The following GALNT13 variants were observed in gnomAD, a reference collection of about 807,000 sequenced individuals.
The protein encoded by GALNT13 is UDP-GalNAc:polypeptide N-acetylgalactosaminyltransferase 13.
Under a neutral mutation model 64.2 loss-of-function variants are expected in GALNT13, and 28 were observed. That is an observed-to-expected ratio of 0.44 (90% CI 0.32 to 0.60). The LOEUF is 0.60. Among genes scored for constraint, GALNT13 ranks in the 20% least tolerant of loss-of-function variants. GALNT13 has a pLI of 0.05. For missense variants in GALNT13, 577 were observed against 669.8 expected, an observed-to-expected ratio of 0.86 and a Z score of 1.53; for synonymous variants, 214 against 224.6, an observed-to-expected ratio of 0.95 and a Z score of 0.42.
rs190405907 is a variant in GALNT13 at position 153,924,804 on chromosome 2, A to G, written c.-104-19590A>G. On this transcript the variant is annotated intron_variant, in intron 2 of 12. Transcript: ENST00000392825. Reference sequence around the variant, plus strand: ...TGTGTTTTTGATTTGCATTTCTCTAATGATCCGTGACGTTGAGCTTTTTTT... The same window carrying G: ...TGTGTTTTTGATTTGCATTTCTCTAGTGATCCGTGACGTTGAGCTTTTTTT... 4.8e-3 allele frequency among the ~76,000 whole-genome samples: 733 copies of G among 152,190 alleles called. 4 individuals are homozygous for G. The highest frequency in any genetic ancestry group is 0.016 in the African/African-American group (644 of 41,522).
chr2:153,987,416 A>T (rs1694874127), intron 3 of GALNT13, among the ~76,000 whole-genome samples: 1 of 151,878 alleles, frequency 6.6e-6, no homozygotes, highest in South Asian at 2.1e-4. Context: ...GACAACTGTT[A>T]AGCAAGAAGG....
chr2:153,786,484 C>A, the GALNT13 span, among the ~76,000 whole-genome samples: 17 of 152,102 alleles, frequency 1.1e-4, no homozygotes, highest in Non-Finnish European at 1.9e-4. Flanking sequence ...TTTGACAACT[C>A]CTCTGCCACT....
chr2:153,883,020 G>T (rs1380715395), intron 1 of GALNT13, among the ~76,000 whole-genome samples: 1 of 148,250 alleles, frequency 6.7e-6, no homozygotes, highest in Non-Finnish European at 1.5e-5. Context: ...CCATAAAAGA[G>T]ACAAATATAT....
chr2:153,374,504 A>T, the GALNT13 span, among the ~76,000 whole-genome samples: 1 of 152,092 alleles, frequency 6.6e-6, no homozygotes, highest in Non-Finnish European at 1.5e-5. Flanking sequence ...GTGCCTTGAA[A>T]ATACTCAATC....
At chr2:153,460,807 C>T in the GALNT13 span, among the ~76,000 whole-genome samples, 1 of 152,246 alleles carries the variant, frequency 6.6e-6, no homozygotes, top group Non-Finnish European at 1.5e-5. Context: ...AAGAATACCA[C>T]TGTCTACTAG....
chr2:154,351,184 G>A (rs528864705), intron 9 of GALNT13, among the ~76,000 whole-genome samples: 1 of 152,206 alleles, frequency 6.6e-6, no homozygotes, highest in Non-Finnish European at 1.5e-5. Flanking sequence ...CTTTGGCTGT[G>A]ATTCAGTCAA....
chr2:153,678,586 C>T, the GALNT13 span, among the ~76,000 whole-genome samples: 1 of 151,942 alleles, frequency 6.6e-6, no homozygotes, highest in South Asian at 2.1e-4. Context: ...ATGCTCGTTA[C>T]CTGGGTGACA....
chr2:154,226,361 C>T (rs1428380590), intron 4 of GALNT13, among the ~76,000 whole-genome samples: 5 of 152,216 alleles, frequency 3.3e-5, no homozygotes, highest in African/African-American at 4.8e-5. Context: ...TATCACTTCT[C>T]TTGCATTCTT....
At chr2:153,831,640 A>G in the GALNT13 span, among the ~76,000 whole-genome samples, 1 of 152,114 alleles carries the variant, frequency 6.6e-6, no homozygotes, top group African/African-American at 2.4e-5. Context: ...TCAAATTAAT[A>G]ATAAATCCAG....
At chr2:153,196,077 C>T in the GALNT13 span, among the ~76,000 whole-genome samples, 24,721 of 152,232 alleles carry the variant, frequency 0.16, 2,134 homozygotes, top group African/African-American at 0.18. Context: ...TGCACACTGA[C>T]TGGTCCTTGG....
chr2:153,402,880 C>T, the GALNT13 span, among the ~76,000 whole-genome samples: 1 of 152,224 alleles, frequency 6.6e-6, no homozygotes, highest in Non-Finnish European at 1.5e-5. Flanking sequence ...TGAATGTCCT[C>T]CCGTCGCTCA....
intron 11 of GALNT13, among the ~76,000 whole-genome samples, chr2:154,430,583 T>A (rs1700666028): frequency 6.6e-6 from 1 of 152,286 alleles, no homozygotes; most frequent in South Asian, 2.1e-4. Flanking sequence ...GACAACAAAG[T>A]ATTTAGAATA....
chr2:153,543,495 T>C, the GALNT13 span, among the ~76,000 whole-genome samples: 1 of 152,218 alleles, frequency 6.6e-6, no homozygotes, highest in Non-Finnish European at 1.5e-5. Flanking sequence ...ATTATATAAA[T>C]TGATAATTAT....
chr2:153,734,174 CA>C, the GALNT13 span, among the ~76,000 whole-genome samples: 1 of 152,088 alleles, frequency 6.6e-6, no homozygotes, highest in South Asian at 2.1e-4. Flanking sequence ...GCTTGTTTTT[CA>C]TGTTGCACTT....
chr2:154,437,698 A>G, intron 11 of GALNT13: 1 of 445,786 alleles, frequency 2.2e-6, no homozygotes, highest in South Asian at 1.6e-5. Context: ...CTACTAAAAT[A>G]CAAAACATTA....
At chr2:154,220,444 G>C (rs998641395) in intron 4 of GALNT13, among the ~76,000 whole-genome samples, 1 of 151,962 alleles carries the variant, frequency 6.6e-6, no homozygotes, top group Non-Finnish European at 1.5e-5. Flanking sequence ...TTCATTCTCA[G>C]CAATTCTAAA....
the GALNT13 span, among the ~76,000 whole-genome samples, chr2:153,084,600 T>C: frequency 6.6e-6 from 1 of 152,138 alleles, no homozygotes; most frequent in Non-Finnish European, 1.5e-5. Flanking sequence ...CTTCTTGTGA[T>C]AGTGAATAAG....
chr2:153,193,001 G>A, the GALNT13 span, among the ~76,000 whole-genome samples: 12 of 151,920 alleles, frequency 7.9e-5, no homozygotes, highest in African/African-American at 2.7e-4. Context: ...AGTTATTATT[G>A]ATATGTGAGG....
At chr2:153,836,892 T>C in the GALNT13 span, among the ~76,000 whole-genome samples, 1 of 152,134 alleles carries the variant, frequency 6.6e-6, no homozygotes, top group African/African-American at 2.4e-5. Flanking sequence ...CACATTTTCT[T>C]AATCCAGTCT....
Sources: gnomAD v4.1 joint callset for allele counts (sites outside exome capture counted in the v4.1 genomes callset) on GRCh38, gnomAD v4.1.1 for gene constraint, MANE v1.5 for transcripts, NCBI Gene and HGNC (gene_info 2026-07-23, HGNC 2026-07-21) for gene names.